NRG1: variants seen among roughly 807,000 people sequenced by gnomAD.
NRG1 encodes neuregulin 1.
NRG1 carries 18 observed loss-of-function variants against 63.8 expected under a neutral mutation model. The ratio of observed to expected loss-of-function variants is 0.28; its 90% confidence interval spans 0.19 to 0.42. The LOEUF (loss-of-function observed/expected upper bound fraction) is 0.42, where lower values mean the gene tolerates loss of function less well. NRG1 is among the 10% of genes least tolerant of loss of function. NRG1 has a pLI of 1.00. For missense variants in NRG1, 762 were observed against 814.7 expected (o/e 0.94, Z 0.79); for synonymous variants, 302 against 301.3 (o/e 1.00, Z -0.02).
At chr8:32,396,937 A>G (rs1335100364) in intron 1 of NRG1, among the ~76,000 whole-genome samples, 1 of 152,130 alleles carries the variant, frequency 6.6e-6, no homozygotes, top group Non-Finnish European at 1.5e-5. Flanking sequence ...TATTTTTTCT[A>G]TTACTCACCT....
chr8:32,188,288 A>C (rs1258206797), intron 1 of NRG1, among the ~76,000 whole-genome samples: 6 of 152,150 alleles, frequency 3.9e-5, no homozygotes, highest in Admixed American at 3.3e-4. Context: ...GCTTGTCTCA[A>C]ACTCCTGACC....
At chr8:32,506,265 A>G (rs570608053) in intron 1 of NRG1, among the ~76,000 whole-genome samples, 5 of 152,240 alleles carry the variant, frequency 3.3e-5, no homozygotes, top group African/African-American at 1.2e-4. Flanking sequence ...AAGAAAAAAC[A>G]AAACAAAACA....
chr8:32,527,500 G>A (rs1830983824), intron 1 of NRG1, among the ~76,000 whole-genome samples: 1 of 151,558 alleles, frequency 6.6e-6, no homozygotes, highest in South Asian at 2.1e-4. Flanking sequence ...ATAGACATTG[G>A]AGACTCATAA....
At chr8:31,761,167 T>C (rs1464922113) in intron 1 of NRG1, among the ~76,000 whole-genome samples, 1 of 151,970 alleles carries the variant, frequency 6.6e-6, no homozygotes, top group African/African-American at 2.4e-5. Context: ...ATGGATGAAA[T>C]TGGAAATCAT....
chr8:32,128,120 G>A (rs573184487), intron 1 of NRG1, among the ~76,000 whole-genome samples: 1 of 151,992 alleles, frequency 6.6e-6, no homozygotes, highest in Admixed American at 6.6e-5. Flanking sequence ...AACATTTTTG[G>A]CTGAAGAGAA....
intron 1 of NRG1, among the ~76,000 whole-genome samples, chr8:31,791,974 T>A (rs2131667306): frequency 6.6e-6 from 1 of 152,312 alleles, no homozygotes; most frequent in Non-Finnish European, 1.5e-5. Flanking sequence ...CTTGGTTGGC[T>A]CCAAGGAGTT....
intron 1 of NRG1, among the ~76,000 whole-genome samples, chr8:32,336,475 A>T (rs1429810818): frequency 6.6e-6 from 1 of 152,182 alleles, no homozygotes; most frequent in Non-Finnish European, 1.5e-5. Flanking sequence ...AAAAGTCCTC[A>T]TGGCAGGAAT....
Position 31,640,168 on chromosome 8 carries a change from T to A in NRG1, c.37+737T>A. 8.4e-7 allele frequency: 1 copy of A among 1,185,518 alleles called. No individual in the cohort carries two copies. The highest frequency in any genetic ancestry group is 1.0e-6 in the Non-Finnish European group (1 of 958,084). 73.4% of individuals were successfully genotyped at this position (1,185,518 alleles called of 1,614,324 possible). On this transcript the variant is annotated intron_variant, in intron 1 of 10. Coordinates refer to the NRG1 transcript ENST00000519301. The surrounding 1 kb of genome is among the most constrained non-coding windows in gnomAD (Gnocchi z 6.3). ...GGCGGCTCCCGCGGGGGCCTCGGTG[T>A]GCTACTCGTCCCCGCCCAGCGTGGG...
chr8:31,927,193 A>T (rs1834426801), intron 1 of NRG1, among the ~76,000 whole-genome samples: 1 of 152,140 alleles, frequency 6.6e-6, no homozygotes, highest in Admixed American at 6.5e-5. Flanking sequence ...CTAATGTTAC[A>T]GAGGTAAAGT....
intron 11 of NRG1, among the ~76,000 whole-genome samples, chr8:32,762,969 A>T (rs1419491909): frequency 1.3e-5 from 2 of 152,180 alleles, no homozygotes; most frequent in Non-Finnish European, 2.9e-5. Flanking sequence ...TTGACCAAAG[A>T]CTGATATAGC....
intron 1 of NRG1, among the ~76,000 whole-genome samples, chr8:32,280,906 C>T (rs1268892937): frequency 6.7e-6 from 1 of 150,072 alleles, no homozygotes; most frequent in Non-Finnish European, 1.5e-5. Context: ...ATTACAGGTG[C>T]CCACCATGAT....
intron 1 of NRG1, among the ~76,000 whole-genome samples, chr8:32,090,466 G>A (rs1259037754): frequency 6.6e-6 from 1 of 152,072 alleles, no homozygotes. Flanking sequence ...GATTATAGGT[G>A]CATGCCATCA....
chr8:31,917,881 T>C (rs2129618106), intron 1 of NRG1, among the ~76,000 whole-genome samples: 1 of 152,306 alleles, frequency 6.6e-6, no homozygotes, highest in South Asian at 2.1e-4. Context: ...TTTAATTTCA[T>C]TGAGCAGTGG....
chr8:31,769,190 A>G (rs116504324), intron 1 of NRG1, among the ~76,000 whole-genome samples: 2,631 of 152,302 alleles, frequency 0.017, 67 homozygotes, highest in African/African-American at 0.058. Flanking sequence ...TTACCTATAA[A>G]TACTTCAATA....
chr8:32,628,823 A>G (rs1347056399), intron 5 of NRG1, among the ~76,000 whole-genome samples: 1 of 148,484 alleles, frequency 6.7e-6, no homozygotes, highest in African/African-American at 2.5e-5. Flanking sequence ...ACCTCTGCCT[A>G]CCCGGTTCAA....
At chr8:32,510,847 A>G (rs545418188) in intron 1 of NRG1, among the ~76,000 whole-genome samples, 8 of 152,016 alleles carry the variant, frequency 5.3e-5, no homozygotes, top group Non-Finnish European at 8.8e-5. Flanking sequence ...CCAAAAAAGT[A>G]AAAAACAGGT....
chr8:31,765,080 T>A (rs1817926837), intron 1 of NRG1, among the ~76,000 whole-genome samples: 1 of 152,146 alleles, frequency 6.6e-6, no homozygotes. Context: ...CTAAATATTT[T>A]TATTTTTTGA....
At chr8:32,254,331 C>T (rs1281180275) in intron 1 of NRG1, among the ~76,000 whole-genome samples, 1 of 152,064 alleles carries the variant, frequency 6.6e-6, no homozygotes, top group Non-Finnish European at 1.5e-5. Context: ...TATAAATTTC[C>T]GTCTACACAC....
chr8:32,768,358 A>G (rs1309854406), downstream of NRG1, among the ~76,000 whole-genome samples: 1 of 152,220 alleles, frequency 6.6e-6, no homozygotes, highest in South Asian at 2.1e-4. Flanking sequence ...AAGGTAACGA[A>G]AAATGCTCTC....
Sources: allele counts gnomAD v4.1 joint callset (sites outside exome capture counted in the v4.1 genomes callset), GRCh38; gene constraint gnomAD v4.1.1; non-coding constraint Gnocchi (gnomAD v3.1); transcripts MANE v1.5; gene names NCBI Gene and HGNC (gene_info 2026-07-23, HGNC 2026-07-21).